Variants in TNRC18 observed in about 807,000 individuals in gnomAD.
TNRC18 encodes trinucleotide repeat-containing gene 18 protein.
A neutral mutation model predicts 226.7 loss-of-function variants in TNRC18; 69 were observed. That is an observed-to-expected ratio of 0.30 (90% CI 0.25 to 0.37). The LOEUF (loss-of-function observed/expected upper bound fraction) is 0.37, where lower values mean the gene tolerates loss of function less well. Among genes scored for constraint, TNRC18 ranks in the 10% least tolerant of loss-of-function variants. TNRC18 has a pLI of 1.00. For synonymous variants in TNRC18, 2,449 were observed against 1,927.6 expected (o/e 1.27, Z -7.09); for missense variants, 4,754 against 4,256.6 (o/e 1.12, Z -3.25).
At chr7:5,358,908 G>A (rs1402727572) in intron 15 of TNRC18, among the ~76,000 whole-genome samples, 1 of 152,210 alleles carries the variant, frequency 6.6e-6, no homozygotes, top group African/African-American at 2.4e-5. Flanking sequence ...GGCACCTTAA[G>A]TGGATGATTT....
chr7:5,345,524 C>A, intron 18 of TNRC18, 38 bp downstream of exon 18: 1 of 182,372 alleles, frequency 5.5e-6, no homozygotes. Flanking sequence ...TCCGCCCCTC[C>A]CACCCACCCC....
Position 5,324,622 on chromosome 7 carries a change from C to T in TNRC18, c.6301-267G>A, listed in dbSNP as rs1278447972. ...GCACTCAGCACTCAGTACTCACTAC[C>T]ATACCTCAGTCCATCACTATGGCAG... On this transcript the variant is annotated intron_variant, in intron 20 of 29. Transcript: ENST00000430969. This position sits in a 1 kb window ranked among gnomAD's most constrained non-coding sequence, Gnocchi z 4.8. 2.6e-5 allele frequency among the ~76,000 whole-genome samples: 4 copies of T among 152,246 alleles called. No homozygotes were observed. In the East Asian group the frequency reaches 7.7e-4, roughly 29 times the overall value.
intron 24 of TNRC18, among the ~76,000 whole-genome samples, chr7:5,319,780 G>C (rs1365742262): frequency 6.6e-6 from 1 of 152,146 alleles, no homozygotes; most frequent in Non-Finnish European, 1.5e-5. Flanking sequence ...AAAGTGCTGG[G>C]ATTACAGGCA....
At position 5,313,441 on chromosome 7, in the gene TNRC18, G is replaced by A. The variant is rs748908543; in HGVS notation, c.7450C>T (p.Arg2484Trp). The A allele has an allele frequency of 9.3e-6, 15 of 1,611,330 alleles. No homozygotes were observed. The highest frequency in any genetic ancestry group is 6.7e-5 in the East Asian group (3 of 44,838). The change falls in exon 27 of 30, where the codon CGG becomes TGG. Residue 2484 changes from arginine to tryptophan, a missense_variant. Coordinates refer to ENST00000430969, the MANE Select transcript of TNRC18 (RefSeq NM_001080495.3). ...SKKAKEALLL[R>W]EDPGAGGWQE... ...CAGCCCCCCGCCCCCGGATCCTCCC[G>A]GAGCAGCAGGGCCTCTTTAGCCTTC...
At chr7:5,322,283 A>AATCATCATCATCATCATCATC (rs60369027) in intron 21 of TNRC18, among the ~76,000 whole-genome samples, 2 of 149,390 alleles carry the variant, frequency 1.3e-5, no homozygotes, top group Non-Finnish European at 3.0e-5. Context: ...CCGTCTCAAT[A>AATCATCATCATCATCATCATC]ATCATCATCA....
intron 5 of TNRC18, among the ~76,000 whole-genome samples, chr7:5,382,431 T>C (rs534714456): frequency 1.3e-5 from 2 of 152,156 alleles, no homozygotes; most frequent in Non-Finnish European, 2.9e-5. Flanking sequence ...ACGCCCCACA[T>C]CGCAGCCATT....
Position 5,312,515 on chromosome 7 carries a change from G to C in TNRC18, c.8376C>G (p.Gly2792=). 1 of 1,610,892 alleles carries C rather than the reference G, an allele frequency of 6.2e-7. No homozygotes were observed. Among genetic ancestry groups the C allele is most frequent in the East Asian group, 2.2e-5 (1 of 44,862 alleles). Residue 2792 remains glycine (G), a synonymous_variant, in exon 27 of 30, where the codon GGC becomes GGG. Transcript: ENST00000430969. The surrounding 1 kb of genome is among the most constrained non-coding windows in gnomAD (Gnocchi z 6.3). ...CGAGCTTGCTCACCTGGGTGGGCTTGCCGAACCACTTCCAGAGCTGCCGGG... is the reference window on the plus strand; with the variant it reads ...CGAGCTTGCTCACCTGGGTGGGCTTCCCGAACCACTTCCAGAGCTGCCGGG... The part of the protein sequence containing the change: ...LPARQLWKWF[G]KPTQRRGMKG...
chr7:5,412,544 C>G (rs181017245), intron 2 of TNRC18, among the ~76,000 whole-genome samples: 4 of 151,796 alleles, frequency 2.6e-5, no homozygotes, highest in African/African-American at 9.7e-5. Context: ...CCACCGCACC[C>G]CAGCCTGGGA....
At position 5,394,536 on chromosome 7, in the gene TNRC18, C is replaced by G; in HGVS notation, c.247G>C (p.Gly83Arg). The stretch of plus-strand genomic sequence containing the variant: ...TCAGAGGGCAGTGGCACTGGGCTCC[C>G]ATGGGACGAGGCCGAGGGCCCCATC... ...SGMGPSASSH[G>R]SPVPLPSDLS... is the part of the protein sequence containing the mutation. Residue 83 changes from glycine to arginine, a missense_variant, in exon 3 of 30, where the codon GGG becomes CGG. Transcript: ENST00000430969. The surrounding 1 kb of genome is among the most constrained non-coding windows in gnomAD (Gnocchi z 4.5). 3 of 1,552,648 alleles carry G rather than the reference C, an allele frequency of 1.9e-6. No individual in the cohort carries two copies. Among genetic ancestry groups the G allele is most frequent in the Non-Finnish European group, 2.6e-6 (3 of 1,150,492 alleles).
At chr7:5,345,873 G>A (rs1035347896) in intron 17 of TNRC18, 63 bp from the exon 18 acceptor site, 169 of 1,487,020 alleles carry the variant, frequency 1.1e-4, no homozygotes, top group Non-Finnish European at 1.3e-4. Context: ...ACCCCCCACC[G>A]CCCCCTGGCC....
chr7:5,350,849 G>A (rs758839998), intron 17 of TNRC18, among the ~76,000 whole-genome samples: 10 of 152,176 alleles, frequency 6.6e-5, no homozygotes, highest in Non-Finnish European at 1.2e-4. Context: ...ACGATGCTCC[G>A]TCCCTTGATG....
In TNRC18 at chr7:5,307,796, G is replaced by A. The variant is rs1786700013; in HGVS notation, c.*310C>T. On this transcript the variant is annotated 3_prime_UTR_variant, in exon 30 of 30. Transcript: ENST00000430969. ...CCACGCAGCAGCAGCCTGGAGGGCC[G>A]GCCTGGCCAAGTGCTTGCAACGTGC... The A allele has an allele frequency of 6.9e-6, 3 of 433,072 alleles. No homozygotes were observed. Among genetic ancestry groups the A allele is most frequent in the Non-Finnish European group, 1.3e-5 (3 of 231,044 alleles). 26.8% of individuals were successfully genotyped at this position (433,072 alleles called of 1,614,324 possible).
intron 5 of TNRC18, among the ~76,000 whole-genome samples, chr7:5,385,494 CA>C (rs60919833): frequency 1.4e-3 from 120 of 88,110 alleles, no homozygotes; most frequent in Non-Finnish European, 2.0e-3. Flanking sequence ...GACTCCGTCT[CA>C]AAAAAAAAAA....
At chr7:5,413,649 A>G (rs1175021770) in intron 2 of TNRC18, among the ~76,000 whole-genome samples, 1 of 151,772 alleles carries the variant, frequency 6.6e-6, no homozygotes, top group Non-Finnish European at 1.5e-5. Flanking sequence ...CCCATCTCAG[A>G]CTCCCAAGTA....
Position 5,332,918 on chromosome 7 carries a change from G to T in TNRC18, c.5851C>A (p.Arg1951Ser), listed in dbSNP as rs1228505721. The stretch of plus-strand genomic sequence containing the variant: ...TCTGGGCTGCTGGGGTCGGGACCGC[G>T]GGCGCCAGGCGTGGGTGCGGCCAGG... ...PSLAAPTPGA[R>S]GPDPSSPDKA... The change falls in exon 19 of 30, where the codon CGC becomes AGC. Residue 1951 changes from arginine to serine, a missense_variant. Physicochemically the swap from Arg to Ser is moderately radical, Grantham distance 110. Coordinates refer to ENST00000430969, the MANE Select transcript of TNRC18 (RefSeq NM_001080495.3). 1 of 1,540,026 alleles carries T rather than the reference G, an allele frequency of 6.5e-7. No individual in the cohort carries two copies. The highest frequency in any genetic ancestry group is 2.4e-5 in the East Asian group (1 of 41,380).
intron 2 of TNRC18, among the ~76,000 whole-genome samples, chr7:5,416,140 C>T (rs1363317420): frequency 2.3e-5 from 3 of 133,050 alleles, no homozygotes; most frequent in African/African-American, 8.6e-5. Flanking sequence ...ATCAGCCAAG[C>T]GCGGTGGCTC....
In TNRC18 at chr7:5,421,073, G is replaced by C. The variant is rs150268036; in HGVS notation, c.174C>G (p.Leu58=). Residue 58 remains leucine, a synonymous_variant, in exon 2 of 30, where the codon CTC becomes CTG. Transcript: ENST00000430969. ...CGGGGCACTTACCCGGGTGCGGATGGAGATTCAGGCCGGCCATGTACTTCC... is the reference window on the plus strand; with the variant it reads ...CGGGGCACTTACCCGGGTGCGGATGCAGATTCAGGCCGGCCATGTACTTCC... ...PPGKYMAGLN[L]HPHPGEAFLG... 6.6e-7 allele frequency: 1 copy of C among 1,511,102 alleles called. No individual in the cohort carries two copies. Among genetic ancestry groups the C allele is most frequent in the Non-Finnish European group, 8.9e-7 (1 of 1,119,454 alleles). 93.6% of individuals were successfully genotyped at this position (1,511,102 alleles called of 1,614,324 possible).
chr7:5,321,232 G>A (rs577570743), intron 21 of TNRC18, 42 bp from the exon 22 acceptor site: 27 of 1,397,804 alleles, frequency 1.9e-5, no homozygotes, highest in South Asian at 3.8e-5. Context: ...AGCCGGGGGC[G>A]TCTGCGACAC....
At position 5,385,998 on chromosome 7, in the gene TNRC18, AAAAAAAAAACAGATGCGGTGGCTCATGCC is replaced by A. The variant is rs1434813413; in HGVS notation, c.2152+1645_2152+1673del. Among the ~76,000 whole-genome samples, 113 of 150,216 alleles carry A rather than the reference AAAAAAAAAACAGATGCGGTGGCTCATGCC, an allele frequency of 7.5e-4. 1 individual carries two copies. The highest frequency in any genetic ancestry group is 2.6e-3 in the African/African-American group (105 of 40,886). On this transcript the variant is annotated intron_variant, in intron 5 of 29. Transcript: ENST00000430969. ...AGTCTGTCTCAAAAAAAAAAAAAAA[AAAAAAAAAACAGATGCGGTGGCTCATGCC>A]TGTAATCCCAGCACTTTGGGAGGCC...
Sources: gnomAD v4.1 joint callset for allele counts (sites outside exome capture counted in the v4.1 genomes callset) on GRCh38, gnomAD v4.1.1 for gene constraint, Gnocchi (gnomAD v3.1) non-coding constraint, MANE v1.5 for transcripts, NCBI Gene and HGNC (gene_info 2026-07-23, HGNC 2026-07-21) for gene names.